NOL4: variants seen among roughly 807,000 people sequenced by gnomAD.
NOL4 encodes the protein cancer/testis antigen 125.
Under a neutral mutation model 75.9 loss-of-function variants are expected in NOL4, and 17 were observed. The observed-to-expected ratio is 0.22, with a 90% confidence interval of 0.15 to 0.34. The LOEUF (loss-of-function observed/expected upper bound fraction) is 0.34, where lower values mean the gene tolerates loss of function less well. NOL4 is among the 10% of genes least tolerant of loss of function. NOL4 has a pLI of 1.00. For synonymous variants in NOL4, 292 were observed against 289.9 expected, an observed-to-expected ratio of 1.01 and a Z score of -0.07; for missense variants, 614 against 793.5, an observed-to-expected ratio of 0.77 and a Z score of 2.72.
At chr18:34,129,741 G>T in intron 2 of NOL4, 130 bp downstream of exon 2, 2 of 740,150 alleles carry the variant, frequency 2.7e-6, no homozygotes, top group Non-Finnish European at 4.0e-6. Flanking sequence ...TTTAAATGTT[G>T]GGCATGACCA....
At chr18:34,043,655 TG>T (rs996392292) in intron 5 of NOL4, among the ~76,000 whole-genome samples, 2 of 152,034 alleles carry the variant, frequency 1.3e-5, no homozygotes, top group African/African-American at 4.8e-5. Flanking sequence ...CTCATAAATC[TG>T]GGACATAATA....
intron 1 of NOL4, among the ~76,000 whole-genome samples, chr18:34,166,635 C>A (rs1214553006): frequency 6.6e-6 from 1 of 152,006 alleles, no homozygotes; most frequent in Non-Finnish European, 1.5e-5. Flanking sequence ...GTAACTTTAA[C>A]AAATATGGAA....
chr18:33,869,917 C>T (rs2063613203), intron 10 of NOL4, among the ~76,000 whole-genome samples: 1 of 152,028 alleles, frequency 6.6e-6, no homozygotes, highest in African/African-American at 2.4e-5. Context: ...ACCTAGACAG[C>T]ATAATTTCTT....
At chr18:34,123,335 T>C (rs1376268508) in intron 2 of NOL4, among the ~76,000 whole-genome samples, 1 of 151,542 alleles carries the variant, frequency 6.6e-6, no homozygotes, top group African/African-American at 2.4e-5. Context: ...CCTTCTGAGA[T>C]GTTGTACACA....
intron 1 of NOL4, among the ~76,000 whole-genome samples, chr18:34,143,278 G>A (rs1246815955): frequency 6.6e-6 from 1 of 151,824 alleles, no homozygotes; most frequent in Non-Finnish European, 1.5e-5. Flanking sequence ...TAATACATAA[G>A]GTTATAAACA....
chr18:33,942,734 A>G (rs1435502242), intron 9 of NOL4, among the ~76,000 whole-genome samples: 1 of 151,876 alleles, frequency 6.6e-6, no homozygotes, highest in Non-Finnish European at 1.5e-5. Context: ...GGTCACTCTC[A>G]TAAGTCATGA....
intron 5 of NOL4, among the ~76,000 whole-genome samples, chr18:34,051,404 T>C (rs781609669): frequency 1.3e-5 from 2 of 152,156 alleles, no homozygotes; most frequent in Non-Finnish European, 2.9e-5. Flanking sequence ...ATCAATGAAC[T>C]AAATTTTAAA....
chr18:34,129,239 A>G (rs1458126236), intron 2 of NOL4, among the ~76,000 whole-genome samples: 2 of 151,936 alleles, frequency 1.3e-5, no homozygotes, highest in Non-Finnish European at 2.9e-5. Flanking sequence ...GCAGTTAATT[A>G]AATCTGCTTT....
intron 1 of NOL4, among the ~76,000 whole-genome samples, chr18:34,134,447 GACAC>G (rs199707766): frequency 0.14 from 18,652 of 133,256 alleles, 1,348 homozygotes; most frequent in East Asian, 0.25. Context: ...GACTCCAAGT[GACAC>G]ACACACACAC....
At chr18:33,885,829 CA>C (rs2064606543) in intron 9 of NOL4, among the ~76,000 whole-genome samples, 1 of 152,062 alleles carries the variant, frequency 6.6e-6, no homozygotes, top group African/African-American at 2.4e-5. Flanking sequence ...GTTATCTATC[CA>C]AAAGAAAGAA....
chr18:34,059,118 T>TATAC (rs1056893407), intron 5 of NOL4, among the ~76,000 whole-genome samples: 3 of 90,346 alleles, frequency 3.3e-5, no homozygotes, highest in South Asian at 8.4e-4. Flanking sequence ...GATAGATAGA[T>TATAC]ATACATATAT....
At chr18:34,013,236 A>G (rs766031132) in intron 6 of NOL4, among the ~76,000 whole-genome samples, 19 of 151,846 alleles carry the variant, frequency 1.3e-4, no homozygotes, top group Non-Finnish European at 2.7e-4. Context: ...TCCACCACCT[A>G]TCTAATCAAA....
chr18:34,169,183 A>G (rs2032756183), intron 1 of NOL4, among the ~76,000 whole-genome samples: 1 of 151,976 alleles, frequency 6.6e-6, no homozygotes, highest in African/African-American at 2.4e-5. Context: ...TTTTCTATAA[A>G]TCACTTTAAA....
At position 34,169,937 on chromosome 18, in the gene NOL4, T is replaced by G. The variant is rs1600786284; in HGVS notation, c.265-39917A>C. ...AATTATTTTTCTATTTTTAATCAATTCTCTCTCTTGCTTTTTAGACTTTGT... is the reference window on the plus strand; with the variant it reads ...AATTATTTTTCTATTTTTAATCAATGCTCTCTCTTGCTTTTTAGACTTTGT... On this transcript the variant is annotated intron_variant, in intron 1 of 10. Coordinates refer to ENST00000261592, the MANE Select transcript of NOL4 (RefSeq NM_003787.5). 3.3e-5 allele frequency among the ~76,000 whole-genome samples: 5 copies of G among 152,242 alleles called. No individual in the cohort carries two copies. In the South Asian group the frequency reaches 1.0e-3, roughly 32 times the overall value.
At chr18:34,202,214 C>G (rs1228451716) in intron 1 of NOL4, among the ~76,000 whole-genome samples, 2 of 151,630 alleles carry the variant, frequency 1.3e-5, no homozygotes, top group Admixed American at 6.6e-5. Flanking sequence ...AGTTAGATAC[C>G]ATGCAGGGTT....
chr18:33,910,703 G>T (rs759185050), intron 9 of NOL4, among the ~76,000 whole-genome samples: 45 of 152,068 alleles, frequency 3.0e-4, no homozygotes, highest in Non-Finnish European at 6.6e-4. Context: ...GAGCCAACTG[G>T]TGAGCAATGA....
intron 1 of NOL4, among the ~76,000 whole-genome samples, chr18:34,200,948 T>G (rs966209181): frequency 2.0e-5 from 3 of 151,714 alleles, no homozygotes; most frequent in Non-Finnish European, 3.0e-5. Context: ...GCTTCTGACT[T>G]AAAAAAGAGG....
chr18:33,937,220 G>A (rs188827714), intron 9 of NOL4, among the ~76,000 whole-genome samples: 36 of 152,196 alleles, frequency 2.4e-4, no homozygotes, highest in Admixed American at 7.9e-4. Context: ...TCCTGTCCTT[G>A]CCACTGGCTT....
chr18:34,118,179 G>A lies in NOL4; in HGVS notation c.414+11692C>T, dbSNP rs73955458. On this transcript the variant is annotated intron_variant, in intron 2 of 10. Transcript: ENST00000261592. The stretch of plus-strand genomic sequence containing the variant: ...ATGAATTTAGAGAATAGCAATAATG[G>A]CTTTATTTAACTAGAATAATTATAT... Among the ~76,000 whole-genome samples, 1,176 of 152,156 alleles carry A rather than the reference G, an allele frequency of 7.7e-3. 13 individuals are homozygous for A. Among genetic ancestry groups the A allele is most frequent in the African/African-American group, 0.026 (1,081 of 41,516 alleles).
Sources: gnomAD v4.1 joint callset for allele counts (sites outside exome capture counted in the v4.1 genomes callset) on GRCh38, gnomAD v4.1.1 for gene constraint, MANE v1.5 for transcripts, NCBI Gene and HGNC (gene_info 2026-07-23, HGNC 2026-07-21) for gene names.